DCBLD2: variants seen among roughly 807,000 people sequenced by gnomAD.
DCBLD2 encodes discoidin, CUB and LCCL domain containing 2, also known as discoidin, CUB and LCCL domain-containing protein 2.
A neutral mutation model predicts 86.8 loss-of-function variants in DCBLD2; 54 were observed. The ratio of observed to expected loss-of-function variants is 0.62; its 90% CI spans 0.50 to 0.78. The LOEUF (loss-of-function observed/expected upper bound fraction) is 0.78, where lower values mean the gene tolerates loss of function less well. Ranked by LOEUF, DCBLD2 falls within the 30% of genes least tolerant of loss-of-function variation. The probability of loss-of-function intolerance (pLI) is 0.00; values close to 1 mark genes in which losing one functional copy is unlikely to be tolerated. For synonymous variants in DCBLD2, 354 were observed against 341.3 expected, an observed-to-expected ratio of 1.04 and a Z score of -0.41; for missense variants, 908 against 954.2, an observed-to-expected ratio of 0.95 and a Z score of 0.64.
chr3:98,838,027 C>T (rs1469201191), intron 3 of DCBLD2, among the ~76,000 whole-genome samples: 3 of 112,852 alleles, frequency 2.7e-5, no homozygotes, highest in South Asian at 3.4e-4. Context: ...CCGGACGGGG[C>T]GGCTGGCCGG....
chr3:98,872,672 T>C (rs1943299644), intron 2 of DCBLD2, among the ~76,000 whole-genome samples: 1 of 152,080 alleles, frequency 6.6e-6, no homozygotes, highest in Non-Finnish European at 1.5e-5. Flanking sequence ...AATCGGATAG[T>C]AAATGATTAA....
chr3:98,867,139 C>T (rs993691444), intron 2 of DCBLD2, among the ~76,000 whole-genome samples: 2 of 152,090 alleles, frequency 1.3e-5, no homozygotes, highest in Non-Finnish European at 2.9e-5. Flanking sequence ...GTCAGGTAGC[C>T]TGATGCCTCC....
intron 2 of DCBLD2, among the ~76,000 whole-genome samples, chr3:98,877,135 A>T (rs1234306895): frequency 6.6e-6 from 1 of 152,160 alleles, no homozygotes. Context: ...TTTGAGAATC[A>T]TGTTAATGTT....
intron 9 of DCBLD2, among the ~76,000 whole-genome samples, chr3:98,817,090 G>C (rs1942035637): frequency 6.6e-6 from 1 of 152,182 alleles, no homozygotes; most frequent in South Asian, 2.1e-4. Flanking sequence ...ACTGATGGGA[G>C]ACATCTATCT....
intron 2 of DCBLD2, among the ~76,000 whole-genome samples, chr3:98,851,009 G>A (rs1279468783): frequency 2.0e-5 from 3 of 152,094 alleles, no homozygotes; most frequent in African/African-American, 7.2e-5. Context: ...GGCAAAAACT[G>A]GAAGCATTCC....
At chr3:98,832,905 G>C (rs1430109846) in intron 3 of DCBLD2, among the ~76,000 whole-genome samples, 2 of 152,140 alleles carry the variant, frequency 1.3e-5, no homozygotes, top group South Asian at 4.1e-4. Context: ...ATGATTATGT[G>C]TCTTGGGGAG....
At chr3:98,881,468 T>A in intron 2 of DCBLD2, 72 bp downstream of exon 2, 1 of 1,358,206 alleles carries the variant, frequency 7.4e-7, no homozygotes, top group Non-Finnish European at 1.0e-6. Flanking sequence ...GGTTATTTAA[T>A]GTTAATATCA....
At chr3:98,803,121 C>A (rs1407235084) in intron 13 of DCBLD2, among the ~76,000 whole-genome samples, 2 of 152,122 alleles carry the variant, frequency 1.3e-5, no homozygotes, top group Non-Finnish European at 2.9e-5. Context: ...TGGCATTGAT[C>A]TATAAATTAC....
chr3:98,884,006 T>A (rs1178765858), intron 1 of DCBLD2, among the ~76,000 whole-genome samples: 1 of 152,144 alleles, frequency 6.6e-6, no homozygotes, highest in African/African-American at 2.4e-5. Context: ...TGTACATTAA[T>A]CTATGAAAAA....
chr3:98,889,795 G>GT (rs1297454440), intron 1 of DCBLD2, among the ~76,000 whole-genome samples: 1 of 152,064 alleles, frequency 6.6e-6, no homozygotes, highest in East Asian at 1.9e-4. Flanking sequence ...TATTTGGTGT[G>GT]TTTATCTTAT....
Position 98,796,659 on chromosome 3 carries a change from A to G in DCBLD2, c.*2713T>C, listed in dbSNP as rs1221838305. 3 of 152,686 alleles carry G rather than the reference A, an allele frequency of 2.0e-5. No individual in the cohort carries two copies. The highest frequency in any genetic ancestry group is 4.4e-5 in the Non-Finnish European group (3 of 68,040). The allele number at this position is 152,686 out of a possible 1,614,324, so 9.5% of individuals were successfully genotyped here. A position where few individuals can be genotyped will look rare whatever the true frequency, so the allele number is the denominator to read the frequency against. ...CCATTGTTCAATGCAAAGTGCAAAC[A>G]GTGAAACATGAACTTAAATAAACTG... On this transcript the variant is annotated 3_prime_UTR_variant, in exon 16 of 16. Transcript: ENST00000326840.
At chr3:98,847,563 T>C (rs1942749406) in intron 3 of DCBLD2, among the ~76,000 whole-genome samples, 1 of 152,202 alleles carries the variant, frequency 6.6e-6, no homozygotes, top group African/African-American at 2.4e-5. Context: ...TCTATCACTT[T>C]CTATATGAAA....
At chr3:98,857,523 G>A (rs2439214) in intron 2 of DCBLD2, among the ~76,000 whole-genome samples, 65,201 of 151,866 alleles carry the variant, frequency 0.43, 14,160 homozygotes, top group Non-Finnish European at 0.45. Context: ...TGATTGGTGC[G>A]TTTACAATCC....
Position 98,901,443 on chromosome 3 carries a change from C to A in DCBLD2, c.-117G>T, listed in dbSNP as rs1943850603. On this transcript the variant is annotated 5_prime_UTR_variant, in exon 1 of 16. Transcript: ENST00000326840. Reference sequence around the variant, plus strand: ...CGGCGGGAGAACAAGAGGCAGCCCTCGCCTCACCCCGCGCCGGGACCCTTC... The same window carrying A: ...CGGCGGGAGAACAAGAGGCAGCCCTAGCCTCACCCCGCGCCGGGACCCTTC... 9.6e-7 allele frequency: 1 copy of A among 1,045,552 alleles called. No individual in the cohort carries two copies. Among genetic ancestry groups the A allele is most frequent in the Non-Finnish European group, 1.2e-6 (1 of 817,856 alleles). The allele number at this position is 1,045,552 out of a possible 1,614,324, so 64.8% of individuals were successfully genotyped here.
At chr3:98,822,525 A>G in intron 5 of DCBLD2, 144 bp downstream of exon 5, 1 of 1,245,028 alleles carries the variant, frequency 8.0e-7, no homozygotes, top group Non-Finnish European at 1.1e-6. Flanking sequence ...TTAGCAGAAG[A>G]AAAAGAATAA....
intron 9 of DCBLD2, chr3:98,815,637 G>C (rs1576160081): frequency 6.6e-6 from 1 of 152,058 alleles, no homozygotes; most frequent in East Asian, 1.9e-4. Flanking sequence ...GATATTAAAA[G>C]AGCTATTATA....
At chr3:98,850,251 C>T (rs535834625) in intron 2 of DCBLD2, among the ~76,000 whole-genome samples, 1 of 152,336 alleles carries the variant, frequency 6.6e-6, no homozygotes, top group African/African-American at 2.4e-5. Flanking sequence ...CCCTGGGCCA[C>T]AGTGGAAAAA....
intron 1 of DCBLD2, among the ~76,000 whole-genome samples, chr3:98,888,636 G>C (rs75478622): frequency 6.6e-6 from 1 of 151,978 alleles, no homozygotes; most frequent in East Asian, 1.9e-4. Flanking sequence ...TGTCATAAAA[G>C]ATCAGAACAG....
In DCBLD2 at chr3:98,799,571, G is replaced by C. The variant is rs780606821; in HGVS notation, c.2129C>G (p.Pro710Arg). The C allele has an allele frequency of 5.0e-6, 8 of 1,613,854 alleles. No homozygotes were observed. The highest frequency in any genetic ancestry group is 6.8e-6 in the Non-Finnish European group (8 of 1,179,894). The change falls in exon 16 of 16, where the codon CCA (proline) becomes CGA (arginine). Residue 710 changes from proline to arginine, a missense_variant. Transcript: ENST00000326840. ...AAGTGTATTGTAAGTTCCCACTAGT[G>C]GGGGAGGTTGGTTCCCCGTAGCCTT... is the stretch of plus-strand genomic sequence containing the variant. Reference protein sequence around the residue: ...TFKATGNQPPPLVGTYNTLLS... With the variant: ...TFKATGNQPPRLVGTYNTLLS...
Sources: gnomAD v4.1 joint callset for allele counts (sites outside exome capture counted in the v4.1 genomes callset) on GRCh38, gnomAD v4.1.1 for gene constraint, MANE v1.5 for transcripts, NCBI Gene and HGNC (gene_info 2026-07-23, HGNC 2026-07-21) for gene names.